The following STIM1 variants were observed in gnomAD, a reference collection of about 807,000 sequenced individuals.
STIM1 encodes the protein stromal interaction molecule 1.
In STIM1, 25 loss-of-function variants were observed where a neutral mutation model predicts 74.7. The ratio of observed to expected loss-of-function variants is 0.33; its 90% CI spans 0.24 to 0.47. The LOEUF is 0.47. Ranked by LOEUF, STIM1 falls within the 20% of genes least tolerant of loss-of-function variation. The pLI, the probability that STIM1 is intolerant of heterozygous loss-of-function variation, is 1.00. For missense variants in STIM1, 728 were observed against 920.8 expected, an observed-to-expected ratio of 0.79 and a Z score of 2.71; for synonymous variants, 328 against 348.8, an observed-to-expected ratio of 0.94 and a Z score of 0.66.
intron 1 of STIM1, among the ~76,000 whole-genome samples, chr11:3,932,080 CTGTA>C (rs1342006257): frequency 1.3e-5 from 2 of 152,272 alleles, no homozygotes; most frequent in African/African-American, 2.4e-5. Context: ...TGCGACTGGA[CTGTA>C]TGTAAGGCAG....
intron 3 of STIM1, among the ~76,000 whole-genome samples, chr11:4,033,903 C>T (rs1188019154): frequency 6.6e-6 from 1 of 151,696 alleles, no homozygotes; most frequent in Non-Finnish European, 1.5e-5. Context: ...CTGGCTGTTT[C>T]TGATCTTAGA....
chr11:4,081,083 G>A (rs1471065421), intron 7 of STIM1, among the ~76,000 whole-genome samples: 1 of 152,104 alleles, frequency 6.6e-6, no homozygotes, highest in Non-Finnish European at 1.5e-5. Context: ...TCTGTCCCTA[G>A]CTGAGGCCCT....
In STIM1 at chr11:3,941,673, T is replaced by TATATAG. The variant is rs141623520; in HGVS notation, c.140-25878_140-25877insTATAGA. 6.4e-3 allele frequency among the ~76,000 whole-genome samples: 582 copies of TATATAG among 90,694 alleles called. 6 individuals are homozygous for TATATAG. Among genetic ancestry groups the TATATAG allele is most frequent in the Middle Eastern group, 0.024 (4 of 170 alleles). 59.5% of individuals were successfully genotyped at this position (90,694 alleles called of 152,430 possible). On this transcript the variant is annotated intron_variant, in intron 1 of 12. Transcript: ENST00000526596. Reference sequence around the variant, plus strand: ...GTATACATATATATATATATATATATAGAGAGAGAGAGAGAGAGAGAGAGT... The same window carrying TATATAG: ...GTATACATATATATATATATATATATATATAGAGAGAGAGAGAGAGAGAGAGAGAGT...
chr11:3,950,191 T>C lies in STIM1; in HGVS notation c.140-17361T>C, dbSNP rs1056043363. On this transcript the variant is annotated intron_variant, in intron 1 of 12. Coordinates refer to ENST00000526596, the MANE Select transcript of STIM1 (RefSeq NM_001382567.1). Reference sequence around the variant, plus strand: ...CTCTGTTGCCCAGGCTGGAGTGGAGTGGTGCGATCTGGGCTCACTGCAACC... The same window carrying C: ...CTCTGTTGCCCAGGCTGGAGTGGAGCGGTGCGATCTGGGCTCACTGCAACC... 2.0e-5 allele frequency among the ~76,000 whole-genome samples: 3 copies of C among 146,980 alleles called. No homozygotes were observed. In the Admixed American group the frequency reaches 2.1e-4, roughly 10 times the overall value.
chr11:4,072,149 C>G (rs1331080442), intron 6 of STIM1, among the ~76,000 whole-genome samples: 2 of 152,148 alleles, frequency 1.3e-5, no homozygotes, highest in East Asian at 3.8e-4. Flanking sequence ...ACTCCCTGCT[C>G]CCTAAAGCTT....
At chr11:3,981,991 CTCTT>C (rs2093509811) in intron 2 of STIM1, among the ~76,000 whole-genome samples, 1 of 152,002 alleles carries the variant, frequency 6.6e-6, no homozygotes, top group South Asian at 2.1e-4. Flanking sequence ...CTCTCTCTGT[CTCTT>C]TCTTTTCTTT....
At chr11:4,030,909 G>A (rs186057318) in intron 3 of STIM1, among the ~76,000 whole-genome samples, 143 of 152,242 alleles carry the variant, frequency 9.4e-4, no homozygotes, top group Non-Finnish European at 1.6e-3. Context: ...TATTTATTGA[G>A]TTGCAATTGA....
intron 3 of STIM1, among the ~76,000 whole-genome samples, chr11:4,033,500 GC>G (rs937974212): frequency 2.4e-4 from 37 of 151,584 alleles, no homozygotes; most frequent in African/African-American, 9.0e-4. Flanking sequence ...CCAATCTGAT[GC>G]TTTTTTTTTC....
chr11:3,924,292 G>A (rs1287680653), intron 1 of STIM1, among the ~76,000 whole-genome samples: 4 of 150,074 alleles, frequency 2.7e-5, no homozygotes, highest in Non-Finnish European at 4.4e-5. Context: ...TCTGCCTCCC[G>A]GGTTCACACC....
chr11:3,869,436 G>C (rs1181811125), intron 1 of STIM1, among the ~76,000 whole-genome samples: 1 of 152,180 alleles, frequency 6.6e-6, no homozygotes. Flanking sequence ...CTTCTCTGCT[G>C]AGGGAGATCA....
intron 2 of STIM1, 51 bp from the exon 3 acceptor site, chr11:4,023,822 A>T: frequency 3.5e-6 from 5 of 1,447,704 alleles, no homozygotes; most frequent in Non-Finnish European, 4.8e-6. Context: ...GGAGATCTTG[A>T]CGGGCTGACT....
intron 3 of STIM1, among the ~76,000 whole-genome samples, chr11:4,054,171 C>T (rs1300872868): frequency 6.6e-6 from 1 of 152,142 alleles, no homozygotes; most frequent in Non-Finnish European, 1.5e-5. Context: ...ATAAAGTGCC[C>T]AGTGTGCTCT....
chr11:3,891,524 ATCT>A (rs1368125673), intron 1 of STIM1, among the ~76,000 whole-genome samples: 2 of 152,122 alleles, frequency 1.3e-5, no homozygotes, highest in African/African-American at 4.8e-5. Flanking sequence ...ACTTCAGGCG[ATCT>A]TCTCACCTCA....
At chr11:3,996,276 T>TGGCA (rs1333427101) in intron 2 of STIM1, among the ~76,000 whole-genome samples, 1 of 152,022 alleles carries the variant, frequency 6.6e-6, no homozygotes, top group African/African-American at 2.4e-5. Flanking sequence ...GGTGGAGGGG[T>TGGCA]GGCAGTAGCC....
At chr11:3,947,113 T>C (rs577054842) in intron 1 of STIM1, among the ~76,000 whole-genome samples, 4 of 152,122 alleles carry the variant, frequency 2.6e-5, no homozygotes, top group Non-Finnish European at 4.4e-5. Context: ...TTTTTTTTTT[T>C]TTCTTTCTGC....
intron 7 of STIM1, among the ~76,000 whole-genome samples, chr11:4,076,517 A>T (rs866362486): frequency 1.0e-4 from 14 of 134,076 alleles, no homozygotes; most frequent in South Asian, 5.0e-4. Flanking sequence ...AAAAAAAAAA[A>T]TTGATGCTTT....
At chr11:3,986,808 G>A (rs969523456) in intron 2 of STIM1, among the ~76,000 whole-genome samples, 3 of 152,174 alleles carry the variant, frequency 2.0e-5, no homozygotes, top group Admixed American at 2.0e-4. Flanking sequence ...CTGATGTGAG[G>A]CTTGAAAAAT....
chr11:3,872,636 C>T (rs1046524435), intron 1 of STIM1, among the ~76,000 whole-genome samples: 5 of 151,298 alleles, frequency 3.3e-5, no homozygotes, highest in Admixed American at 1.3e-4. Flanking sequence ...ATTCTCCTGC[C>T]TCAGCCTCCC....
rs536939701 is a variant in STIM1, at chr11:4,079,493, G to T, written c.970-2691G>T. On this transcript the variant is annotated intron_variant, in intron 7 of 12. Coordinates refer to ENST00000526596, the MANE Select transcript of STIM1 (RefSeq NM_001382567.1). ...GGAGGCTCAGGCAGGAGAATCGCTTGAACCTGGGAGGCAGAAGTTGCAGTG... is the reference window on the plus strand; with the variant it reads ...GGAGGCTCAGGCAGGAGAATCGCTTTAACCTGGGAGGCAGAAGTTGCAGTG... Among the ~76,000 whole-genome samples, 72 of 151,050 alleles carry T rather than the reference G, an allele frequency of 4.8e-4. 2 individuals are homozygous for T. Among genetic ancestry groups the T allele is most frequent in the Middle Eastern group, 6.9e-3 (2 of 288 alleles).
Sources: gnomAD v4.1 joint callset for allele counts (sites outside exome capture counted in the v4.1 genomes callset) on GRCh38, gnomAD v4.1.1 for gene constraint, MANE v1.5 for transcripts, NCBI Gene and HGNC (gene_info 2026-07-23, HGNC 2026-07-21) for gene names.